Variants in KIDINS220 observed in about 807,000 individuals in gnomAD.
KIDINS220 encodes kinase D interacting substrate 220.
In KIDINS220, 63 loss-of-function variants were observed where a neutral mutation model predicts 157.6. The ratio of observed to expected loss-of-function variants is 0.40; its 90% CI spans 0.33 to 0.49. The LOEUF is 0.49. Ranked by LOEUF, KIDINS220 falls within the 20% of genes least tolerant of loss-of-function variation. The pLI, the probability that KIDINS220 is intolerant of heterozygous loss-of-function variation, is 0.66. For missense variants in KIDINS220, 1,772 were observed against 2,171.2 expected, an observed-to-expected ratio of 0.82 and a Z score of 3.65; for synonymous variants, 732 against 783.6, an observed-to-expected ratio of 0.93 and a Z score of 1.10.
At chr2:8,834,890 G>A (rs1049481817) in intron 1 of KIDINS220, among the ~76,000 whole-genome samples, 8 of 152,138 alleles carry the variant, frequency 5.3e-5, no homozygotes, top group Non-Finnish European at 1.0e-4. Flanking sequence ...TGCCCAGGAT[G>A]GAGTGCAGTG....
At chr2:8,766,788 AT>A in intron 22 of KIDINS220, among the ~76,000 whole-genome samples, 1 of 152,228 alleles carries the variant, frequency 6.6e-6, no homozygotes, top group Non-Finnish European at 1.5e-5. Flanking sequence ...AGTTTAATGC[AT>A]TTCATTGTTT....
In KIDINS220 at chr2:8,811,132, A is replaced by C. The variant is rs192295918; in HGVS notation, c.504+1263T>G. On this transcript the variant is annotated intron_variant, in intron 6 of 29. Coordinates refer to ENST00000256707, the MANE Select transcript of KIDINS220 (RefSeq NM_020738.4). ...TAAACAATACTGTTGTACTTAAAGA[A>C]ATTTATGCACAGAATCTATTTCAAT... 1.4e-4 allele frequency among the ~76,000 whole-genome samples: 21 copies of C among 152,314 alleles called. No homozygotes were observed. The East Asian group carries it at 4.1e-3, about 29-fold the overall frequency.
At position 8,733,715 on chromosome 2, in the gene KIDINS220, C is replaced by T. The variant is rs138168281; in HGVS notation, c.3817-35G>A. ...AGAAAAACATAAATATTTACACTAA[C>T]AAATCATATTTTAGAAGCTTTAGAA... is the stretch of plus-strand genomic sequence containing the variant. On this transcript the variant is annotated intron_variant, in intron 28 of 29. Transcript: ENST00000256707. 11,646 of 1,284,454 alleles carry T rather than the reference C, an allele frequency of 9.1e-3. 76 individuals are homozygous for T. The highest frequency in any genetic ancestry group is 0.012 in the Admixed American group (507 of 40,994). 79.6% of individuals were successfully genotyped at this position (1,284,454 alleles called of 1,614,324 possible).
intron 13 of KIDINS220, among the ~76,000 whole-genome samples, chr2:8,790,838 A>G (rs541388826): frequency 1.3e-5 from 2 of 152,284 alleles, no homozygotes; most frequent in South Asian, 4.1e-4. Flanking sequence ...CCCGAAAAAA[A>G]CTTGCCAGCA....
chr2:8,733,210 A>G (rs1244310220), intron 29 of KIDINS220, among the ~76,000 whole-genome samples: 4 of 152,112 alleles, frequency 2.6e-5, no homozygotes, highest in African/African-American at 9.7e-5. Context: ...ACCCTGATGG[A>G]TATCTCAGCT....
downstream of KIDINS220, chr2:8,727,036 T>TA (rs1185271095): frequency 1.4e-5 from 14 of 1,033,128 alleles, no homozygotes; most frequent in African/African-American, 8.3e-5. Flanking sequence ...GATAAGCCAT[T>TA]AAAAAAACTA....
chr2:8,753,438 A>C (rs1233159034), intron 22 of KIDINS220, among the ~76,000 whole-genome samples: 1 of 152,180 alleles, frequency 6.6e-6, no homozygotes, highest in African/African-American at 2.4e-5. Flanking sequence ...AAGACGTGGA[A>C]AATTTTAGAA....
chr2:8,816,694 G>A (rs578079533), intron 4 of KIDINS220, among the ~76,000 whole-genome samples: 3 of 152,146 alleles, frequency 2.0e-5, no homozygotes, highest in South Asian at 4.2e-4. Flanking sequence ...TTTCACTCTC[G>A]GCTGTCATAT....
At chr2:8,777,159 T>C (rs1443533218) in intron 20 of KIDINS220, among the ~76,000 whole-genome samples, 1 of 152,228 alleles carries the variant, frequency 6.6e-6, no homozygotes, top group African/African-American at 2.4e-5. Flanking sequence ...GGAAGCTCAA[T>C]GCTTTTAAGA....
chr2:8,758,414 C>A (rs747613387), intron 22 of KIDINS220, among the ~76,000 whole-genome samples: 1 of 152,184 alleles, frequency 6.6e-6, no homozygotes, highest in Non-Finnish European at 1.5e-5. Context: ...AACTCCAACT[C>A]GAGGCACCTC....
At chr2:8,782,449 TAAAC>T (rs1338471143) in intron 17 of KIDINS220, among the ~76,000 whole-genome samples, 3 of 152,174 alleles carry the variant, frequency 2.0e-5, no homozygotes, top group African/African-American at 7.2e-5. Context: ...ATAACTTAGA[TAAAC>T]AGACCAGTTC....
At chr2:8,780,842 T>A (rs1671619941) in intron 17 of KIDINS220, among the ~76,000 whole-genome samples, 1 of 151,074 alleles carries the variant, frequency 6.6e-6, no homozygotes, top group Admixed American at 6.6e-5. Context: ...AATAAAAGCA[T>A]AAAAGACAAA....
chr2:8,805,821 C>T (rs1018124254), intron 7 of KIDINS220, among the ~76,000 whole-genome samples: 5 of 152,148 alleles, frequency 3.3e-5, no homozygotes, highest in African/African-American at 9.7e-5. Flanking sequence ...GTATTCAGTA[C>T]GGTAACACAC....
At chr2:8,723,785 T>G (rs1008931882), downstream of KIDINS220, 4 of 152,254 alleles carry the variant, frequency 2.6e-5, no homozygotes, top group Non-Finnish European at 5.9e-5. Context: ...TTAATTAGAT[T>G]CTAGAATTCT....
chr2:8,749,446 G>A (rs941325654), intron 24 of KIDINS220: 3 of 455,278 alleles, frequency 6.6e-6, no homozygotes, highest in Non-Finnish European at 1.3e-5. Context: ...AGTGTTTGAG[G>A]TCATTAAAGT....
At position 8,730,977 on chromosome 2, in the gene KIDINS220, T is replaced by C; in HGVS notation, c.5059A>G (p.Asn1687Asp). Residue 1687 changes from asparagine to aspartate, a missense_variant, in exon 30 of 30, where the codon AAC becomes GAC. Around this residue, in one of 3 missense-constraint regions of KIDINS220, gnomAD observed 793 missense variants for 885.5 expected, o/e 0.90. Coordinates refer to ENST00000256707, the MANE Select transcript of KIDINS220 (RefSeq NM_020738.4). ...GCTCTGTTGGCTGGAGCACTATTGT[T>C]GTTCAGAGTCACGGTGCTGGGAGTT... is the stretch of plus-strand genomic sequence containing the variant. ...NRTPSTVTLN[N>D]NSAPANRANQ... 6.2e-7 allele frequency: 1 copy of C among 1,614,242 alleles called. No individual in the cohort carries two copies. Among genetic ancestry groups the C allele is most frequent in the African/African-American group, 1.3e-5 (1 of 75,058 alleles).
intron 24 of KIDINS220, chr2:8,749,405 G>A (rs1667010867): frequency 2.2e-6 from 1 of 456,098 alleles, no homozygotes; most frequent in African/African-American, 2.0e-5. Flanking sequence ...GTAACCCCAG[G>A]TTCATGCTCC....
Position 8,785,797 on chromosome 2 carries a change from G to A in KIDINS220, c.2173C>T (p.Arg725Cys), listed in dbSNP as rs372166824. The A allele has an allele frequency of 1.5e-5, 25 of 1,613,878 alleles. No individual in the cohort carries two copies. The highest frequency in any genetic ancestry group is 1.9e-5 in the Non-Finnish European group (23 of 1,179,982). ...AGTTTGGAGGCTGCATTATGGAGGC[G>A]TTTTCTTTGGGAATTCAGGAGCGAG... ...LDSLLNSQRK[R>C]LHNAASKLHK... Residue 725 changes from arginine (R) to cysteine (C), a missense_variant, in exon 17 of 30, where the codon CGC becomes TGC. Arg to Cys is a radical substitution (Grantham distance 180). This residue lies in a region of KIDINS220 where 725 missense variants were observed against 1,017.1 expected (regional missense o/e 0.71). Coordinates refer to ENST00000256707, the MANE Select transcript of KIDINS220 (RefSeq NM_020738.4).
At chr2:8,750,419 C>G in intron 23 of KIDINS220, 84 bp from the exon 24 acceptor site, 1 of 890,452 alleles carries the variant, frequency 1.1e-6, no homozygotes, top group East Asian at 3.0e-5. Context: ...TCTTTAGTTA[C>G]TAGGCAGAAA....
Sources: gnomAD v4.1 joint callset for allele counts (sites outside exome capture counted in the v4.1 genomes callset) on GRCh38, gnomAD v4.1.1 for gene constraint, gnomAD v4.1.1 regional missense constraint, MANE v1.5 for transcripts, NCBI Gene and HGNC (gene_info 2026-07-23, HGNC 2026-07-21) for gene names.